Variants in ABR observed in about 807,000 individuals in gnomAD.
ABR encodes active breakpoint cluster region-related protein.
ABR carries 35 observed loss-of-function variants against 107.2 expected under a neutral mutation model. The observed-to-expected ratio is 0.33, with a 90% CI of 0.25 to 0.43. The LOEUF (loss-of-function observed/expected upper bound fraction) is 0.43. Ranked by LOEUF, ABR falls within the 20% of genes least tolerant of loss-of-function variation. ABR has a pLI of 1.00. For missense variants in ABR, 815 were observed against 1,115.2 expected, an observed-to-expected ratio of 0.73 and a Z score of 3.83; for synonymous variants, 498 against 462.0, an observed-to-expected ratio of 1.08 and a Z score of -1.00.
At chr17:1,053,979 G>A (rs2032905189) in intron 14 of ABR, among the ~76,000 whole-genome samples, 1 of 152,210 alleles carries the variant, frequency 6.6e-6, no homozygotes, top group Admixed American at 6.5e-5. Flanking sequence ...AGCAGCCTGA[G>A]GGACCGTGTG....
At chr17:1,217,109 C>G (rs2043024776) in intron 1 of ABR, among the ~76,000 whole-genome samples, 1 of 152,102 alleles carries the variant, frequency 6.6e-6, no homozygotes, top group South Asian at 2.1e-4. Flanking sequence ...CTGGATTCCT[C>G]AAGATGCTTT....
chr17:1,012,955 T>C, intron 17 of ABR, 150 bp downstream of exon 17: 1 of 1,077,416 alleles, frequency 9.3e-7, no homozygotes, highest in Non-Finnish European at 1.4e-6. Flanking sequence ...GCGGGCAGGG[T>C]GTGGGCAGGA....
intron 2 of ABR, chr17:1,108,918 C>T: frequency 6.3e-7 from 1 of 1,580,596 alleles, no homozygotes; most frequent in Non-Finnish European, 8.6e-7. Context: ...GCGCCCAGGG[C>T]GTGTCACGCT....
At chr17:1,045,519 T>A (rs973955637) in intron 16 of ABR, among the ~76,000 whole-genome samples, 3 of 152,280 alleles carry the variant, frequency 2.0e-5, no homozygotes, top group African/African-American at 7.2e-5. Flanking sequence ...CATCTAGAAA[T>A]GGGCTCTGCA....
In ABR at chr17:1,004,580, G is replaced by A. The variant is rs73279398; in HGVS notation, c.*1500C>T. The A allele has an allele frequency of 0.017, 2,614 of 154,202 alleles. 95 individuals are homozygous for A. Among genetic ancestry groups the A allele is most frequent in the African/African-American group, 0.06 (2,490 of 41,648 alleles). The allele number at this position is 154,202 out of a possible 1,614,324, so 9.6% of individuals were successfully genotyped here. On this transcript the variant is annotated 3_prime_UTR_variant, in exon 23 of 23. Coordinates refer to ENST00000302538, the MANE Select transcript of ABR (RefSeq NM_021962.5). Reference sequence around the variant, plus strand: ...ATCTGCTCTCCTAGGCTGATGGCCCGAGGCTGGCAGCCGCAGCTCGTGTGG... The same window carrying A: ...ATCTGCTCTCCTAGGCTGATGGCCCAAGGCTGGCAGCCGCAGCTCGTGTGG...
rs1235498183 is a variant in ABR at position 1,024,607 on chromosome 17, G to A, written c.1792-11443C>T. On this transcript the variant is annotated intron_variant, in intron 16 of 22. Coordinates refer to ENST00000302538, the MANE Select transcript of ABR (RefSeq NM_021962.5). ...TCAACATCAGCCTGCGCAACATAAC[G>A]AAACCTCGTCTTTACAAAAAATACA... 2.0e-5 allele frequency among the ~76,000 whole-genome samples: 3 copies of A among 151,966 alleles called. 1 individual carries two copies. The highest frequency in any genetic ancestry group is 4.4e-5 in the Non-Finnish European group (3 of 67,988).
intron 1 of ABR, among the ~76,000 whole-genome samples, chr17:1,168,937 C>A (rs2041610011): frequency 1.3e-5 from 2 of 152,246 alleles, no homozygotes; most frequent in South Asian, 4.1e-4. Context: ...GGGTCAGGAG[C>A]TGCCACGGGG....
At chr17:1,205,322 G>A (rs2042769141) in intron 1 of ABR, among the ~76,000 whole-genome samples, 5 of 152,200 alleles carry the variant, frequency 3.3e-5, no homozygotes, top group Admixed American at 3.3e-4. Context: ...CTCTCTGGTT[G>A]TGAGAATAAA....
intron 16 of ABR, among the ~76,000 whole-genome samples, chr17:1,045,284 T>C (rs1482126706): frequency 1.3e-5 from 2 of 152,280 alleles, no homozygotes; most frequent in African/African-American, 4.8e-5. Context: ...TTCCAGCCCA[T>C]GGTGACCTTT....
chr17:1,020,870 G>A (rs1162956806), intron 16 of ABR, among the ~76,000 whole-genome samples: 2 of 152,114 alleles, frequency 1.3e-5, no homozygotes, highest in African/African-American at 4.8e-5. Flanking sequence ...CCTCTGCCCG[G>A]AGGGCTGCTC....
chr17:1,016,234 A>G (rs1340616592), intron 16 of ABR, among the ~76,000 whole-genome samples: 1 of 152,162 alleles, frequency 6.6e-6, no homozygotes, highest in Non-Finnish European at 1.5e-5. Context: ...GTGGAAGGCA[A>G]AGAACTGGAT....
intron 1 of ABR, among the ~76,000 whole-genome samples, chr17:1,166,524 AG>A (rs751994635): frequency 2.5e-4 from 38 of 152,150 alleles, no homozygotes; most frequent in Non-Finnish European, 5.1e-4. Context: ...CCAGGAGGGG[AG>A]GCTGCGGCTG....
At chr17:1,180,358 C>G (rs865908968), upstream of ABR, among the ~76,000 whole-genome samples, 31 of 152,232 alleles carry the variant, frequency 2.0e-4, no homozygotes, top group African/African-American at 7.5e-4. Context: ...GCGGCCGGGC[C>G]CCTCCCCAGC....
Position 1,050,491 on chromosome 17 carries a change from A to G in ABR, c.1659+46T>C. On this transcript the variant is annotated intron_variant, in intron 15 of 22. Transcript: ENST00000302538. This position sits in a 1 kb window ranked among gnomAD's most constrained non-coding sequence, Gnocchi z 4.6. ...CGTCCCCAGCAGACAAGCCACGAGC[A>G]CGGGGTGGTGGGGTCCCCACAGAGA... The G allele has an allele frequency of 6.5e-7, 1 of 1,546,014 alleles. No individual in the cohort carries two copies. Among genetic ancestry groups the G allele is most frequent in the Non-Finnish European group, 8.9e-7 (1 of 1,118,652 alleles).
At chr17:1,221,188 G>A (rs760741850) in intron 1 of ABR, among the ~76,000 whole-genome samples, 2 of 152,134 alleles carry the variant, frequency 1.3e-5, no homozygotes, top group Non-Finnish European at 2.9e-5. Context: ...TATTTTACTT[G>A]AGGTGGCCAT....
At chr17:1,217,239 TC>T (rs879707255) in intron 1 of ABR, among the ~76,000 whole-genome samples, 12 of 151,902 alleles carry the variant, frequency 7.9e-5, no homozygotes, top group Non-Finnish European at 1.5e-4. Context: ...CGCCTCACCG[TC>T]CCCCCCAAGG....
At chr17:1,184,246 G>A (rs2042223361), upstream of ABR, among the ~76,000 whole-genome samples, 1 of 152,014 alleles carries the variant, frequency 6.6e-6, no homozygotes, top group South Asian at 2.1e-4. Flanking sequence ...ACGAAGTCAG[G>A]AGATCGAGAC....
chr17:1,091,635 G>A (rs557116124), intron 4 of ABR, 30 bp downstream of exon 4: 7 of 1,602,294 alleles, frequency 4.4e-6, no homozygotes, highest in African/African-American at 2.7e-5. Context: ...GAGGCCCTGC[G>A]TGAGGACCCT....
rs757320929 is a variant in ABR, at chr17:1,091,645, T to A, written c.531+20A>T. 2 of 1,607,796 alleles carry A rather than the reference T, an allele frequency of 1.2e-6. No homozygotes were observed. Among genetic ancestry groups the A allele is most frequent in the East Asian group, 2.2e-5 (1 of 44,846 alleles). On this transcript the variant is annotated intron_variant, in intron 4 of 22. Transcript: ENST00000302538. ...CCACTGAGGCCCTGCGTGAGGACCC[T>A]CCATCCCTGGCAGACTCACCAGCTT...
Sources: gnomAD v4.1 joint callset for allele counts (sites outside exome capture counted in the v4.1 genomes callset) on GRCh38, gnomAD v4.1.1 for gene constraint, Gnocchi (gnomAD v3.1) non-coding constraint, MANE v1.5 for transcripts, NCBI Gene and HGNC (gene_info 2026-07-23, HGNC 2026-07-21) for gene names.